ASAP2: variants seen among roughly 807,000 people sequenced by gnomAD.
ASAP2 encodes the protein arf-GAP with SH3 domain, ANK repeat and PH domain-containing protein 2.
ASAP2 carries 45 observed loss-of-function variants against 131.4 expected under a neutral mutation model. That is an observed-to-expected ratio of 0.34 (90% CI 0.27 to 0.44). ASAP2 has a LOEUF of 0.44. Ranked by LOEUF, ASAP2 falls within the 20% of genes least tolerant of loss-of-function variation. ASAP2 has a pLI of 1.00. For missense variants in ASAP2, 1,011 were observed against 1,297.0 expected, an observed-to-expected ratio of 0.78 and a Z score of 3.39; for synonymous variants, 510 against 503.0, an observed-to-expected ratio of 1.01 and a Z score of -0.19.
At position 9,224,478 on chromosome 2, in the gene ASAP2, T is replaced by G. The variant is rs572680916; in HGVS notation, c.126+17248T>G. On this transcript the variant is annotated intron_variant, in intron 1 of 27. Coordinates refer to ENST00000281419, the MANE Select transcript of ASAP2 (RefSeq NM_003887.3). ...GATTTGTGATTTCATACCTTTTTCT[T>G]TCAAAGGATTGCTGTATGCCTGGAA... Among the ~76,000 whole-genome samples, 362 of 152,328 alleles carry G rather than the reference T, an allele frequency of 2.4e-3. 1 individual carries two copies. Among genetic ancestry groups the G allele is most frequent in the African/African-American group, 8.6e-3 (356 of 41,576 alleles).
intron 7 of ASAP2, among the ~76,000 whole-genome samples, chr2:9,329,148 G>C (rs1009076327): frequency 1.3e-5 from 2 of 152,164 alleles, no homozygotes; most frequent in African/African-American, 4.8e-5. Context: ...ATTCCAGGCA[G>C]GGTCTAGGTC....
In ASAP2 at chr2:9,207,090, C is replaced by T. The variant is rs1351001362; in HGVS notation, c.-15C>T. 6.4e-7 allele frequency: 1 copy of T among 1,566,630 alleles called. No individual in the cohort carries two copies. Among genetic ancestry groups the T allele is most frequent in the Admixed American group, 1.8e-5 (1 of 56,052 alleles). ...CGCCCCTGCGGCTGTGCGCCAGCGC[C>T]CTCGCGCCGAGGCGATGCCGGACCA... On this transcript the variant is annotated 5_prime_UTR_variant, in exon 1 of 28. Coordinates refer to ENST00000281419, the MANE Select transcript of ASAP2 (RefSeq NM_003887.3). This position sits in a 1 kb window ranked among gnomAD's most constrained non-coding sequence, Gnocchi z 4.1.
intron 2 of ASAP2, among the ~76,000 whole-genome samples, chr2:9,286,050 C>A (rs551008389): frequency 2.8e-4 from 42 of 152,216 alleles, no homozygotes; most frequent in African/African-American, 9.4e-4. Flanking sequence ...TAGAACAGGG[C>A]AGTTCAGAAC....
At chr2:9,279,040 C>T (rs1666946127) in intron 1 of ASAP2, among the ~76,000 whole-genome samples, 1 of 151,818 alleles carries the variant, frequency 6.6e-6, no homozygotes, top group Admixed American at 6.6e-5. Flanking sequence ...GTGCTGTGGG[C>T]AGGAGACAGC....
At chr2:9,266,138 C>A (rs1665927035) in intron 1 of ASAP2, among the ~76,000 whole-genome samples, 1 of 135,894 alleles carries the variant, frequency 7.4e-6, no homozygotes, top group East Asian at 2.0e-4. Context: ...AAAACGATTG[C>A]CTTTTTATCT....
At chr2:9,390,320 G>T (rs1675619238) in intron 22 of ASAP2, among the ~76,000 whole-genome samples, 1 of 152,238 alleles carries the variant, frequency 6.6e-6, no homozygotes, top group African/African-American at 2.4e-5. Context: ...CTCCCCAGGG[G>T]AGGAGCTCGA....
At chr2:9,382,581 G>T (rs990392514) in intron 20 of ASAP2, among the ~76,000 whole-genome samples, 8 of 152,218 alleles carry the variant, frequency 5.3e-5, no homozygotes, top group African/African-American at 1.9e-4. Context: ...GGTTGAAAAG[G>T]CTGGGTTTAC....
intron 16 of ASAP2, among the ~76,000 whole-genome samples, chr2:9,374,193 A>C (rs1464368525): frequency 6.6e-6 from 1 of 152,258 alleles, no homozygotes; most frequent in Non-Finnish European, 1.5e-5. Context: ...AAAGTAGAAC[A>C]CAAAGAGGAC....
Position 9,262,086 on chromosome 2 carries a change from C to T in ASAP2, c.127-17231C>T, listed in dbSNP as rs146980988. ...CTGGACTCAAACTCCTGGGCTCAAG[C>T]GATCCTCCTGCCTCAGCCTCCTCAG... On this transcript the variant is annotated intron_variant, in intron 1 of 27. Coordinates refer to ENST00000281419, the MANE Select transcript of ASAP2 (RefSeq NM_003887.3). Among the ~76,000 whole-genome samples the T allele has an allele frequency of 2.5e-3, 379 of 152,240 alleles. 1 individual carries two copies. The highest frequency in any genetic ancestry group is 8.4e-3 in the African/African-American group (351 of 41,542).
At chr2:9,234,959 A>T (rs1291969665) in intron 1 of ASAP2, among the ~76,000 whole-genome samples, 1 of 152,030 alleles carries the variant, frequency 6.6e-6, no homozygotes, top group Non-Finnish European at 1.5e-5. Context: ...GTGATAAGAG[A>T]GGAATTTGAG....
chr2:9,250,942 G>A (rs547253665), intron 1 of ASAP2, among the ~76,000 whole-genome samples: 3 of 152,224 alleles, frequency 2.0e-5, no homozygotes, highest in Non-Finnish European at 2.9e-5. Context: ...GAAACGAGGC[G>A]TGGTGAAAGT....
intron 1 of ASAP2, among the ~76,000 whole-genome samples, chr2:9,256,035 G>A (rs2148167771): frequency 6.6e-6 from 1 of 152,188 alleles, no homozygotes; most frequent in South Asian, 2.1e-4. Context: ...TTTTGATGAA[G>A]GAACCTGTGT....
intron 1 of ASAP2, among the ~76,000 whole-genome samples, chr2:9,255,673 C>T (rs1446891461): frequency 6.6e-6 from 1 of 152,174 alleles, no homozygotes; most frequent in African/African-American, 2.4e-5. Flanking sequence ...TGAAGGGAGT[C>T]GGGGGCAGAG....
chr2:9,297,563 C>T, intron 3 of ASAP2, 118 bp downstream of exon 3: 1 of 1,238,928 alleles, frequency 8.1e-7, no homozygotes, highest in Non-Finnish European at 1.1e-6. Flanking sequence ...CTTGGGTACC[C>T]AAAAGAATTA....
chr2:9,334,638 C>A (rs1226442717), intron 7 of ASAP2, 100 bp from the exon 8 acceptor site: 8 of 1,002,216 alleles, frequency 8.0e-6, no homozygotes, highest in Non-Finnish European at 1.2e-5. Context: ...CCAGGAGTTA[C>A]ATAATGACTT....
intron 1 of ASAP2, among the ~76,000 whole-genome samples, chr2:9,223,125 C>T (rs1265508326): frequency 1.3e-5 from 2 of 152,152 alleles, no homozygotes; most frequent in Admixed American, 6.5e-5. Context: ...TTAAAGTTGG[C>T]CTCCTTTCCT....
intron 19 of ASAP2, among the ~76,000 whole-genome samples, chr2:9,380,038 G>A (rs1674711136): frequency 6.6e-6 from 1 of 151,976 alleles, no homozygotes; most frequent in Admixed American, 6.6e-5. Context: ...TTTATAGACT[G>A]CTTGAGAGAA....
chr2:9,282,379 CT>C (rs1465861220), intron 2 of ASAP2, among the ~76,000 whole-genome samples: 4 of 152,216 alleles, frequency 2.6e-5, no homozygotes, highest in Admixed American at 6.5e-5. Context: ...AAACGTGATA[CT>C]TTCTCCTGTC....
chr2:9,390,822 A>G (rs997459435), intron 22 of ASAP2, among the ~76,000 whole-genome samples: 4 of 152,200 alleles, frequency 2.6e-5, no homozygotes, highest in African/African-American at 9.7e-5. Flanking sequence ...TTTAAATTTC[A>G]TGGATTGAGA....
Sources: allele counts gnomAD v4.1 joint callset (sites outside exome capture counted in the v4.1 genomes callset), GRCh38; gene constraint gnomAD v4.1.1; non-coding constraint Gnocchi (gnomAD v3.1); transcripts MANE v1.5; gene names NCBI Gene and HGNC (gene_info 2026-07-23, HGNC 2026-07-21).